BCAS4: variants seen among roughly 807,000 people sequenced by gnomAD.
The protein encoded by BCAS4 is breast carcinoma-amplified sequence 4.
Under a neutral mutation model 15.7 loss-of-function variants are expected in BCAS4, and 9 were observed. The ratio of observed to expected loss-of-function variants is 0.57; its 90% CI spans 0.34 to 1.00. BCAS4 has a LOEUF of 1.00. Among genes scored for constraint, BCAS4 ranks in the 50% least tolerant of loss-of-function variants. BCAS4 has a pLI of 0.02. For synonymous variants in BCAS4, 101 were observed against 99.5 expected, an observed-to-expected ratio of 1.02 and a Z score of -0.09; for missense variants, 225 against 239.1, an observed-to-expected ratio of 0.94 and a Z score of 0.39.
rs189743536 is a variant in BCAS4 at position 50,804,924 on chromosome 20, A to G, written c.90+9751A>G. On this transcript the variant is annotated intron_variant, in intron 1 of 4. Coordinates refer to ENST00000371608, the MANE Select transcript of BCAS4 (RefSeq NM_198799.4). The stretch of plus-strand genomic sequence containing the variant: ...AGTTCAAACCTAACGCTACTCAGAG[A>G]ATCACCTCATTTGCTCCCTGGCTTC... Among the ~76,000 whole-genome samples the G allele has an allele frequency of 5.3e-5, 8 of 152,202 alleles. No individual in the cohort carries two copies. The East Asian group carries it at 1.5e-3, about 29-fold the overall frequency.
At chr20:50,810,995 C>G (rs1487537615) in intron 1 of BCAS4, among the ~76,000 whole-genome samples, 1 of 152,086 alleles carries the variant, frequency 6.6e-6, no homozygotes, top group African/African-American at 2.4e-5. Flanking sequence ...AAAGCCTCAC[C>G]TGGAAGAAAT....
chr20:50,838,327 T>G (rs538074748), intron 3 of BCAS4, among the ~76,000 whole-genome samples: 121 of 152,208 alleles, frequency 7.9e-4, no homozygotes, highest in Non-Finnish European at 1.5e-3. Context: ...CAGAGGGCAA[T>G]GAGGGCTGTG....
chr20:50,827,750 A>G (rs1156367486), intron 2 of BCAS4, among the ~76,000 whole-genome samples: 5 of 152,180 alleles, frequency 3.3e-5, no homozygotes, highest in Admixed American at 6.6e-5. Flanking sequence ...TTTTAGAGAC[A>G]GGGTCTTGCA....
At chr20:50,879,542 A>G (rs572542790), downstream of BCAS4, 1 of 152,286 alleles carries the variant, frequency 6.6e-6, no homozygotes, top group South Asian at 2.1e-4. Flanking sequence ...GGAGAAAGCT[A>G]ATGTTAATTT....
intron 1 of BCAS4, among the ~76,000 whole-genome samples, chr20:50,796,968 C>T (rs1441706582): frequency 1.3e-5 from 2 of 151,898 alleles, no homozygotes; most frequent in Non-Finnish European, 2.9e-5. Context: ...ATAGCCAGGA[C>T]CACAGGTGCG....
chr20:50,834,009 C>T lies in BCAS4; in HGVS notation c.264+3629C>T, dbSNP rs115369180. Among the ~76,000 whole-genome samples, 1,238 of 152,138 alleles carry T rather than the reference C, an allele frequency of 8.1e-3. 12 individuals carry two copies. Among genetic ancestry groups the T allele is most frequent in the African/African-American group, 0.021 (887 of 41,504 alleles). On this transcript the variant is annotated intron_variant, in intron 3 of 4. Transcript: ENST00000371608. ...GCTTGTGCAAAGAAAGGTCCAGAGG[C>T]GGGAAAAGGCAGCTTCTCAGGCACC... is the stretch of plus-strand genomic sequence containing the variant.
chr20:50,839,596 G>A (rs148174290), intron 3 of BCAS4, among the ~76,000 whole-genome samples: 142 of 152,204 alleles, frequency 9.3e-4, no homozygotes, highest in African/African-American at 3.1e-3. Flanking sequence ...TCTGCCTCCC[G>A]GGTTCAAGTA....
chr20:50,863,895 C>T (rs1304044482), intron 4 of BCAS4, among the ~76,000 whole-genome samples: 1 of 94,446 alleles, frequency 1.1e-5, no homozygotes, highest in African/African-American at 8.7e-5. Flanking sequence ...ATTTGCTGCT[C>T]TGTCCTGCAA....
At chr20:50,814,549 T>C (rs960055882) in intron 1 of BCAS4, among the ~76,000 whole-genome samples, 6 of 152,196 alleles carry the variant, frequency 3.9e-5, no homozygotes, top group African/African-American at 1.4e-4. Context: ...CCTCCCAGCG[T>C]TGGGATTACA....
In BCAS4 at chr20:50,851,025, C is replaced by T. The variant is rs1978389092; in HGVS notation, c.399+9125C>T. ...CTCCCCTCCCCAGCGACCCCCCCAGCTCCCGCCCCTTGCCTCCTCTCCCCT... is the reference window on the plus strand; with the variant it reads ...CTCCCCTCCCCAGCGACCCCCCCAGTTCCCGCCCCTTGCCTCCTCTCCCCT... On this transcript the variant is annotated intron_variant, in intron 4 of 4. Transcript: ENST00000371608. This position sits in a 1 kb window ranked among gnomAD's most constrained non-coding sequence, Gnocchi z 4.3. Among the ~76,000 whole-genome samples, 1 of 151,650 alleles carries T rather than the reference C, an allele frequency of 6.6e-6. No individual in the cohort carries two copies. The highest frequency in any genetic ancestry group is 2.1e-4 in the South Asian group (1 of 4,800).
intron 4 of BCAS4, among the ~76,000 whole-genome samples, chr20:50,847,570 C>T (rs576842212): frequency 8.5e-5 from 13 of 152,334 alleles, no homozygotes; most frequent in African/African-American, 3.1e-4. Context: ...CTCCATCTTA[C>T]AGCTGAGGAA....
chr20:50,868,224 T>C (rs936632887), intron 4 of BCAS4, among the ~76,000 whole-genome samples: 2 of 152,208 alleles, frequency 1.3e-5, no homozygotes, highest in African/African-American at 4.8e-5. Context: ...TTTGCCAGGT[T>C]TCTCCACTGT....
At chr20:50,814,536 C>T (rs1233249836) in intron 1 of BCAS4, among the ~76,000 whole-genome samples, 1 of 152,268 alleles carries the variant, frequency 6.6e-6, no homozygotes, top group Non-Finnish European at 1.5e-5. Flanking sequence ...CCTCTGGCCT[C>T]AGCCTCCCAG....
At chr20:50,863,225 T>G (rs544053943) in intron 4 of BCAS4, among the ~76,000 whole-genome samples, 2 of 151,208 alleles carry the variant, frequency 1.3e-5, no homozygotes, top group African/African-American at 4.9e-5. Flanking sequence ...TAGGTCAGGT[T>G]TTCTTCCCAG....
Position 50,862,713 on chromosome 20 carries a change from C to T in BCAS4, c.400-13773C>T, listed in dbSNP as rs1431892185. Reference sequence around the variant, plus strand: ...GTCCTTCAGCTGCACTTGGGCTGTGCTTCTCTGTAGGGAGGGGGCATAGCT... The same window carrying T: ...GTCCTTCAGCTGCACTTGGGCTGTGTTTCTCTGTAGGGAGGGGGCATAGCT... On this transcript the variant is annotated intron_variant, in intron 4 of 4. Transcript: ENST00000371608. Among the ~76,000 whole-genome samples, 3 of 152,110 alleles carry T rather than the reference C, an allele frequency of 2.0e-5. No homozygotes were observed. In the East Asian group the frequency reaches 5.8e-4, roughly 29 times the overall value.
intron 2 of BCAS4, among the ~76,000 whole-genome samples, chr20:50,828,820 C>G (rs1455797475): frequency 6.6e-6 from 1 of 152,104 alleles, no homozygotes; most frequent in African/African-American, 2.4e-5. Context: ...AGCCCAAAAT[C>G]TTGGGGAGGG....
chr20:50,805,485 C>G (rs775849731), intron 1 of BCAS4, among the ~76,000 whole-genome samples: 1 of 152,140 alleles, frequency 6.6e-6, no homozygotes, highest in Non-Finnish European at 1.5e-5. Flanking sequence ...TTGAACAAAG[C>G]AGGGTTGGCA....
At chr20:50,802,370 G>T (rs1166062843) in intron 1 of BCAS4, among the ~76,000 whole-genome samples, 1 of 152,158 alleles carries the variant, frequency 6.6e-6, no homozygotes, top group Non-Finnish European at 1.5e-5. Context: ...GGAGCCAGGG[G>T]CAAGGCAGGT....
intron 1 of BCAS4, among the ~76,000 whole-genome samples, chr20:50,798,000 A>G (rs906681902): frequency 7.9e-5 from 12 of 152,088 alleles, no homozygotes; most frequent in Middle Eastern, 6.8e-3. Context: ...GAGCCACATG[A>G]AAAAGAAACA....
Sources: gnomAD v4.1 joint callset for allele counts (sites outside exome capture counted in the v4.1 genomes callset) on GRCh38, gnomAD v4.1.1 for gene constraint, Gnocchi (gnomAD v3.1) non-coding constraint, MANE v1.5 for transcripts, NCBI Gene and HGNC (gene_info 2026-07-23, HGNC 2026-07-21) for gene names.